Variants in MAGI2 observed in about 807,000 individuals in gnomAD.
The protein encoded by MAGI2 is membrane-associated guanylate kinase, WW and PDZ domain-containing protein 2.
MAGI2 carries 35 observed loss-of-function variants against 133.3 expected under a neutral mutation model. The ratio of observed to expected loss-of-function variants is 0.26; its 90% CI spans 0.20 to 0.35. MAGI2 has a LOEUF of 0.35. Ranked by LOEUF, MAGI2 falls within the 10% of genes least tolerant of loss-of-function variation. MAGI2 has a pLI of 1.00. For synonymous variants in MAGI2, 729 were observed against 710.6 expected (o/e 1.03, Z -0.41); for missense variants, 1,636 against 1,863.4 (o/e 0.88, Z 2.25).
At chr7:79,043,396 A>G (rs1222349861) in intron 1 of MAGI2, among the ~76,000 whole-genome samples, 1 of 151,244 alleles carries the variant, frequency 6.6e-6, no homozygotes, top group African/African-American at 2.4e-5. Flanking sequence ...TACAAAAACT[A>G]GCTGAGTGTG....
chr7:78,544,990 G>A (rs568874057), intron 3 of MAGI2, among the ~76,000 whole-genome samples: 96 of 151,190 alleles, frequency 6.3e-4, no homozygotes, highest in African/African-American at 1.9e-3. Context: ...AGTATCCCTG[G>A]CTGTTTACAT....
chr7:79,183,067 A>G (rs528687586), intron 1 of MAGI2, among the ~76,000 whole-genome samples: 2 of 152,076 alleles, frequency 1.3e-5, no homozygotes, highest in East Asian at 1.9e-4. Context: ...AGAAGGGGAT[A>G]AACAGAGGTT....
chr7:78,348,422 T>C (rs1185145228), intron 7 of MAGI2: 1 of 152,158 alleles, frequency 6.6e-6, no homozygotes, highest in Non-Finnish European at 1.5e-5. Flanking sequence ...GTTATTTTTT[T>C]GAGGTACAGT....
chr7:78,563,400 A>G (rs1800609417), intron 3 of MAGI2, among the ~76,000 whole-genome samples: 1 of 152,156 alleles, frequency 6.6e-6, no homozygotes, highest in Non-Finnish European at 1.5e-5. Context: ...GGCTACAGTG[A>G]TGATTAGTGG....
chr7:78,487,983 A>T (rs1275671833), intron 6 of MAGI2, among the ~76,000 whole-genome samples: 1 of 152,102 alleles, frequency 6.6e-6, no homozygotes, highest in Non-Finnish European at 1.5e-5. Flanking sequence ...ATTACCTAAA[A>T]GCACTTTTCT....
intron 6 of MAGI2, among the ~76,000 whole-genome samples, chr7:78,422,441 A>C (rs1403308488): frequency 1.3e-5 from 2 of 152,160 alleles, no homozygotes; most frequent in African/African-American, 2.4e-5. Context: ...AAACAGGCAA[A>C]CACTTGTTAT....
chr7:79,153,560 T>G (rs375078627), intron 1 of MAGI2, among the ~76,000 whole-genome samples: 10 of 152,096 alleles, frequency 6.6e-5, no homozygotes, highest in African/African-American at 2.2e-4. Context: ...TAAGAGTAAC[T>G]ACGTGAAAAT....
At chr7:78,652,456 C>T (rs532254878) in intron 2 of MAGI2, among the ~76,000 whole-genome samples, 70 of 152,174 alleles carry the variant, frequency 4.6e-4, no homozygotes, top group Non-Finnish European at 6.8e-4. Flanking sequence ...AGAACAGAGG[C>T]CTCAGAAATA....
intron 3 of MAGI2, among the ~76,000 whole-genome samples, chr7:78,590,249 C>T (rs962872314): frequency 2.0e-5 from 3 of 152,128 alleles, no homozygotes; most frequent in East Asian, 3.9e-4. Flanking sequence ...GAGCTGAGTG[C>T]CCTGGAACGC....
At chr7:78,626,384 C>T (rs1808345975) in intron 3 of MAGI2, among the ~76,000 whole-genome samples, 1 of 152,010 alleles carries the variant, frequency 6.6e-6, no homozygotes, top group Admixed American at 6.6e-5. Context: ...ATTTTTAATG[C>T]CATCATTCCA....
intron 6 of MAGI2, among the ~76,000 whole-genome samples, chr7:78,441,906 G>C (rs540893668): frequency 6.6e-6 from 1 of 151,812 alleles, no homozygotes. Context: ...TTTTCCTCTC[G>C]TCCTCCTAGT....
chr7:78,458,637 AG>A (rs370560668), intron 6 of MAGI2, among the ~76,000 whole-genome samples: 2 of 100,852 alleles, frequency 2.0e-5, no homozygotes, highest in African/African-American at 3.7e-5. Flanking sequence ...GTTTTTTGTT[AG>A]GTTTTTTTTT....
chr7:78,992,349 A>G (rs1805871862), intron 2 of MAGI2, among the ~76,000 whole-genome samples: 1 of 152,064 alleles, frequency 6.6e-6, no homozygotes, highest in African/African-American at 2.4e-5. Flanking sequence ...CCAGCCACTC[A>G]TGTGTACATA....
chr7:78,190,004 C>T (rs1000407430), intron 12 of MAGI2, among the ~76,000 whole-genome samples: 2 of 152,198 alleles, frequency 1.3e-5, no homozygotes, highest in Admixed American at 6.5e-5. Flanking sequence ...CAGTATCTAG[C>T]TGTAGTTATC....
At chr7:79,434,006 C>T (rs911341393) in intron 1 of MAGI2, among the ~76,000 whole-genome samples, 5 of 151,952 alleles carry the variant, frequency 3.3e-5, no homozygotes, top group Non-Finnish European at 5.9e-5. Context: ...CACTAATTTA[C>T]GATGAACTGC....
chr7:79,020,781 A>G (rs62467749), intron 1 of MAGI2, among the ~76,000 whole-genome samples: 1 of 151,604 alleles, frequency 6.6e-6, no homozygotes, highest in Non-Finnish European at 1.5e-5. Context: ...AAAAAAAAGG[A>G]AAGAAAAAAG....
chr7:79,060,134 A>G (rs965337291), intron 1 of MAGI2, among the ~76,000 whole-genome samples: 6 of 152,052 alleles, frequency 3.9e-5, no homozygotes, highest in Non-Finnish European at 5.9e-5. Context: ...TGAAACCAAA[A>G]TATCTCTTAC....
intron 1 of MAGI2, among the ~76,000 whole-genome samples, chr7:79,449,434 T>C (rs12537928): frequency 0.3 from 45,668 of 150,920 alleles, 6,988 homozygotes; most frequent in East Asian, 0.38. Flanking sequence ...GGTCTCTATG[T>C]GGTATTAGAT....
intron 9 of MAGI2, among the ~76,000 whole-genome samples, chr7:78,315,538 T>C (rs562296872): frequency 1.8e-4 from 27 of 152,260 alleles, no homozygotes; most frequent in East Asian, 1.3e-3. Context: ...CTAAATCATA[T>C]AGCTCCTTGT....
Sources: allele counts gnomAD v4.1 joint callset (sites outside exome capture counted in the v4.1 genomes callset), GRCh38; gene constraint gnomAD v4.1.1; transcripts MANE v1.5; gene names NCBI Gene and HGNC (gene_info 2026-07-23, HGNC 2026-07-21).